FRS2: variants seen among roughly 807,000 people sequenced by gnomAD.
FRS2 encodes FGFR signalling adaptor.
FRS2 carries 8 observed loss-of-function variants against 43.9 expected under a neutral mutation model. The observed-to-expected ratio is 0.18, with a 90% CI of 0.11 to 0.33. The LOEUF (loss-of-function observed/expected upper bound fraction) is 0.33, where lower values mean the gene tolerates loss of function less well. FRS2 is among the 10% of genes least tolerant of loss of function. FRS2 has a pLI of 1.00. For missense variants in FRS2, 534 were observed against 627.6 expected, an observed-to-expected ratio of 0.85 and a Z score of 1.59; for synonymous variants, 219 against 220.3, an observed-to-expected ratio of 0.99 and a Z score of 0.05.
At chr12:69,529,331 A>AGG (rs1876563130) in intron 1 of FRS2, among the ~76,000 whole-genome samples, 1 of 152,180 alleles carries the variant, frequency 6.6e-6, no homozygotes, top group Admixed American at 6.5e-5. Context: ...ATTTTAAAAT[A>AGG]CTAGAAGGTA....
intron 8 of FRS2, among the ~76,000 whole-genome samples, 192 bp from the exon 9 acceptor site, chr12:69,573,813 C>A (rs1453099513): frequency 6.6e-6 from 1 of 152,210 alleles, no homozygotes; most frequent in Non-Finnish European, 1.5e-5. Flanking sequence ...GAAGACATTT[C>A]TACATTTCTC....
In FRS2 at chr12:69,574,824, A is replaced by T; in HGVS notation, c.1396A>T (p.Arg466Trp). The change falls in exon 9 of 9, where the codon AGG becomes TGG. Residue 466 changes from arginine (R) to tryptophan (W), a missense_variant. By Grantham distance (101) the Arg-to-Trp change is moderately radical (BLOSUM62 -3). Coordinates refer to ENST00000549921, the MANE Select transcript of FRS2 (RefSeq NM_001278356.2). The stretch of plus-strand genomic sequence containing the variant: ...AACTCCCCTTCCACAAACCCCTACC[A>T]GGCGCACAGAGCTGTATGCCGTGAT... ...PTTPLPQTPT[R>W]RTELYAVIDI... 1 of 1,614,020 alleles carries T rather than the reference A, an allele frequency of 6.2e-7. No homozygotes were observed. Among genetic ancestry groups the T allele is most frequent in the Non-Finnish European group, 8.5e-7 (1 of 1,179,940 alleles).
chr12:69,494,744 C>T (rs1872732413), intron 1 of FRS2, among the ~76,000 whole-genome samples: 1 of 152,070 alleles, frequency 6.6e-6, no homozygotes, highest in Non-Finnish European at 1.5e-5. Context: ...GTAAGTTCTC[C>T]TGTGCTATAG....
chr12:69,550,476 AGT>A (rs1188862126), intron 3 of FRS2, among the ~76,000 whole-genome samples: 1 of 152,218 alleles, frequency 6.6e-6, no homozygotes, highest in African/African-American at 2.4e-5. Context: ...AGATCTCTCT[AGT>A]GTCTTACATA....
intron 8 of FRS2, 112 bp downstream of exon 8, chr12:69,572,393 A>C: frequency 2.3e-6 from 2 of 856,938 alleles, no homozygotes; most frequent in East Asian, 5.0e-5. Flanking sequence ...TCTGTTTGTA[A>C]ATTACTTTTG....
At chr12:69,470,760 T>G (rs1372636751) in intron 1 of FRS2, among the ~76,000 whole-genome samples, 1 of 152,064 alleles carries the variant, frequency 6.6e-6, no homozygotes, top group Non-Finnish European at 1.5e-5. Flanking sequence ...CCAGAGCTGT[T>G]GTTGCTGTTG....
At chr12:69,487,857 A>C (rs1872098060) in intron 1 of FRS2, among the ~76,000 whole-genome samples, 1 of 152,220 alleles carries the variant, frequency 6.6e-6, no homozygotes, top group Non-Finnish European at 1.5e-5. Flanking sequence ...AGTTGATTCC[A>C]GCTCTTATAG....
chr12:69,541,684 A>G (rs565931194), intron 3 of FRS2, among the ~76,000 whole-genome samples: 80 of 151,980 alleles, frequency 5.3e-4, no homozygotes, highest in Non-Finnish European at 4.7e-4. Flanking sequence ...AATTAGCCAC[A>G]TGCGGTGGCA....
At chr12:69,495,109 T>C (rs373365169) in intron 1 of FRS2, among the ~76,000 whole-genome samples, 25 of 152,148 alleles carry the variant, frequency 1.6e-4, no homozygotes, top group Admixed American at 5.9e-4. Flanking sequence ...GGTATCGATA[T>C]GAGGACTAAA....
intron 1 of FRS2, among the ~76,000 whole-genome samples, chr12:69,519,484 A>G (rs1193784108): frequency 6.6e-6 from 1 of 152,190 alleles, no homozygotes; most frequent in Non-Finnish European, 1.5e-5. Context: ...GGTTTGTTGT[A>G]TAGATGATTT....
At chr12:69,508,527 C>CT (rs1592958157) in intron 1 of FRS2, among the ~76,000 whole-genome samples, 1 of 152,260 alleles carries the variant, frequency 6.6e-6, no homozygotes, top group East Asian at 1.9e-4. Context: ...AATGTATACT[C>CT]TGTAGACAAT....
At chr12:69,523,802 A>G (rs1875923521) in intron 1 of FRS2, among the ~76,000 whole-genome samples, 1 of 152,198 alleles carries the variant, frequency 6.6e-6, no homozygotes, top group Non-Finnish European at 1.5e-5. Flanking sequence ...GTTTGTCTGA[A>G]AATGATCTTA....
chr12:69,506,899 G>T (rs1592955042), intron 1 of FRS2, among the ~76,000 whole-genome samples: 1 of 151,752 alleles, frequency 6.6e-6, no homozygotes, highest in Non-Finnish European at 1.5e-5. Context: ...TACATTCATG[G>T]ATTAATGGAT....
chr12:69,480,158 T>A (rs1871228286), intron 1 of FRS2: 1 of 152,244 alleles, frequency 6.6e-6, no homozygotes, highest in South Asian at 2.1e-4. Flanking sequence ...TAACCATTTT[T>A]AAGTGTACAG....
At chr12:69,518,533 C>G (rs893169212) in intron 1 of FRS2, among the ~76,000 whole-genome samples, 1 of 151,700 alleles carries the variant, frequency 6.6e-6, no homozygotes, top group African/African-American at 2.4e-5. Flanking sequence ...ATGGTGAAAC[C>G]CTGTCTCTGT....
At chr12:69,536,613 T>C (rs1457916643) in intron 3 of FRS2, among the ~76,000 whole-genome samples, 1 of 151,248 alleles carries the variant, frequency 6.6e-6, no homozygotes, top group Non-Finnish European at 1.5e-5. Flanking sequence ...AAGATCTCAC[T>C]CTGTTGCCCA....
chr12:69,578,447 A>T lies in FRS2; in HGVS notation c.*3492A>T, dbSNP rs512283. 14,221 of 152,516 alleles carry T rather than the reference A, an allele frequency of 0.093. 874 individuals carry two copies. Among genetic ancestry groups the T allele is most frequent in the Non-Finnish European group, 0.14 (9,751 of 67,974 alleles). 9.4% of individuals were successfully genotyped at this position (152,516 alleles called of 1,614,324 possible). A position where few individuals can be genotyped will look rare whatever the true frequency, so the allele number is the denominator to read the frequency against. Reference sequence around the variant, plus strand: ...TGACGTACCACAGTATACTCTGCCCAAACCAGCACCCTATCTATCTTTCCT... The same window carrying T: ...TGACGTACCACAGTATACTCTGCCCTAACCAGCACCCTATCTATCTTTCCT... On this transcript the variant is annotated 3_prime_UTR_variant, in exon 9 of 9. Coordinates refer to ENST00000549921, the MANE Select transcript of FRS2 (RefSeq NM_001278356.2).
At chr12:69,504,415 A>G (rs1418172999) in intron 1 of FRS2, among the ~76,000 whole-genome samples, 1 of 152,182 alleles carries the variant, frequency 6.6e-6, no homozygotes, top group Non-Finnish European at 1.5e-5. Flanking sequence ...GAACCAGGAG[A>G]CTGAAGTGAG....
chr12:69,504,247 C>A (rs927790950), intron 1 of FRS2, among the ~76,000 whole-genome samples: 51 of 152,250 alleles, frequency 3.3e-4, no homozygotes, highest in African/African-American at 1.1e-3. Context: ...CACCTGTAAT[C>A]CCAGCTATTC....
Sources: allele counts gnomAD v4.1 joint callset (sites outside exome capture counted in the v4.1 genomes callset), GRCh38; gene constraint gnomAD v4.1.1; transcripts MANE v1.5; gene names NCBI Gene and HGNC (gene_info 2026-07-23, HGNC 2026-07-21).